The following SLC30A10 variants were observed in gnomAD, a reference collection of about 807,000 sequenced individuals.
The protein encoded by SLC30A10 is solute carrier family 30 member 10, also known as calcium/manganese antiporter SLC30A10.
A neutral mutation model predicts 21.7 loss-of-function variants in SLC30A10; 8 were observed. The observed-to-expected ratio is 0.37, with a 90% confidence interval of 0.22 to 0.67. The LOEUF (loss-of-function observed/expected upper bound fraction) is 0.67. Among genes scored for constraint, SLC30A10 ranks in the 30% least tolerant of loss-of-function variants. The pLI, the probability that SLC30A10 is intolerant of heterozygous loss-of-function variation, is 0.58. For synonymous variants in SLC30A10, 272 were observed against 279.4 expected (o/e 0.97, Z 0.26); for missense variants, 521 against 642.5 (o/e 0.81, Z 2.04).
At chr1:219,917,874 C>G (rs1039345134) in intron 3 of SLC30A10, among the ~76,000 whole-genome samples, 1 of 151,994 alleles carries the variant, frequency 6.6e-6, no homozygotes, top group Non-Finnish European at 1.5e-5. Context: ...CCACGCCTGG[C>G]TAATTTTTTT....
chr1:219,917,608 A>G (rs1659573619), intron 3 of SLC30A10, among the ~76,000 whole-genome samples: 1 of 152,208 alleles, frequency 6.6e-6, no homozygotes, highest in Non-Finnish European at 1.5e-5. Flanking sequence ...TTCTTGGCAG[A>G]AATGGCCTTA....
In SLC30A10 at chr1:219,949,799, G is replaced by A. The variant is rs114859324; in HGVS notation, n.80+8769C>T. Among the ~76,000 whole-genome samples, 1,115 of 151,734 alleles carry A rather than the reference G, an allele frequency of 7.3e-3. 8 individuals are homozygous for A. Among genetic ancestry groups the A allele is most frequent in the African/African-American group, 0.025 (1,041 of 41,416 alleles). ...AAATAAAAATAAAAAAAGAAAAATTGGTGTATTTCATAATCATCAGAGACA... is the reference window on the plus strand; with the variant it reads ...AAATAAAAATAAAAAAAGAAAAATTAGTGTATTTCATAATCATCAGAGACA... On this transcript the variant is annotated intron_variant and non_coding_transcript_variant, in intron 1 of 8. Transcript: ENST00000484239.
upstream of SLC30A10, among the ~76,000 whole-genome samples, chr1:219,930,658 G>A (rs1659957842): frequency 6.6e-6 from 1 of 152,128 alleles, no homozygotes; most frequent in African/African-American, 2.4e-5. Flanking sequence ...TTAAATATTT[G>A]CACCTCCAGG....
At chr1:219,934,803 T>A (rs1376987037) in intron 1 of SLC30A10, among the ~76,000 whole-genome samples, 1 of 152,204 alleles carries the variant, frequency 6.6e-6, no homozygotes, top group Non-Finnish European at 1.5e-5. Flanking sequence ...CTGTGGTATC[T>A]GGGGTCATCT....
In SLC30A10 at chr1:219,910,619, T is replaced by C. The variant is rs1659388885; in HGVS notation, c.*4830A>G. ...GGATTGCAACTCTAGCAAAATTGCC[T>C]GTGAGGACAGGAGGAGAATTTTAAG... On this transcript the variant is annotated 3_prime_UTR_variant, in exon 4 of 4. Coordinates refer to ENST00000366926, the MANE Select transcript of SLC30A10 (RefSeq NM_018713.3). 6.6e-6 allele frequency among the ~76,000 whole-genome samples: 1 copy of C among 152,222 alleles called. No individual in the cohort carries two copies. The highest frequency in any genetic ancestry group is 1.5e-5 in the Non-Finnish European group (1 of 68,038).
At chr1:219,923,835 G>A (rs1046103547) in intron 2 of SLC30A10, among the ~76,000 whole-genome samples, 7 of 152,198 alleles carry the variant, frequency 4.6e-5, no homozygotes, top group South Asian at 2.1e-4. Flanking sequence ...CGAGGCCAGC[G>A]GATTACCTGA....
chr1:219,926,984 G>T, intron 2 of SLC30A10, 44 bp downstream of exon 2: 2 of 1,443,128 alleles, frequency 1.4e-6, no homozygotes, highest in Non-Finnish European at 1.9e-6. Context: ...CAGTCCATGT[G>T]TGTCATAGAA....
At chr1:219,925,936 C>G (rs1278963872) in intron 2 of SLC30A10, among the ~76,000 whole-genome samples, 1 of 151,836 alleles carries the variant, frequency 6.6e-6, no homozygotes, top group Non-Finnish European at 1.5e-5. Flanking sequence ...GCTGGGATTA[C>G]AGGCGTGAGC....
chr1:219,923,219 T>TAA (rs1287098196), intron 2 of SLC30A10, among the ~76,000 whole-genome samples: 1 of 152,210 alleles, frequency 6.6e-6, no homozygotes, highest in Non-Finnish European at 1.5e-5. Context: ...CTGGCAGCAT[T>TAA]ATCTGAGACA....
chr1:219,927,666 AAAC>A (rs1553313718), intron 1 of SLC30A10, 132 bp downstream of exon 1: 3 of 251,888 alleles, frequency 1.2e-5, no homozygotes, highest in Middle Eastern at 1.0e-3. Flanking sequence ...AAAAAAAAAA[AAAC>A]AACAACAACA....
At chr1:219,958,787 C>T (rs371985808), upstream of SLC30A10, 4 of 152,796 alleles carry the variant, frequency 2.6e-5, no homozygotes, top group East Asian at 7.7e-4. Context: ...GCTCCCACAA[C>T]ATCTGCCCGA....
At chr1:219,955,074 G>A (rs1353397106) in intron 1 of SLC30A10, among the ~76,000 whole-genome samples, 2 of 152,106 alleles carry the variant, frequency 1.3e-5, no homozygotes, top group Non-Finnish European at 2.9e-5. Flanking sequence ...GCAAGGAATA[G>A]GAAAACGTAT....
At chr1:219,935,957 A>C (rs141965096) in intron 1 of SLC30A10, among the ~76,000 whole-genome samples, 449 of 152,346 alleles carry the variant, frequency 2.9e-3, no homozygotes, top group African/African-American at 0.01. Flanking sequence ...TTGTAAATCT[A>C]AACCCAAACC....
chr1:219,949,606 G>T (rs1660239097), intron 1 of SLC30A10, among the ~76,000 whole-genome samples: 1 of 151,982 alleles, frequency 6.6e-6, no homozygotes, highest in African/African-American at 2.4e-5. Context: ...GGGGACTGTT[G>T]GGGGGAGCGG....
At position 219,911,159 on chromosome 1, in the gene SLC30A10, T is replaced by TGTTTTTTTTTTG. The variant is rs1553311732; in HGVS notation, c.*4289_*4290insCAAAAAAAAAAC. 3.1e-5 allele frequency among the ~76,000 whole-genome samples: 4 copies of TGTTTTTTTTTTG among 128,364 alleles called. No homozygotes were observed. In the East Asian group the frequency reaches 8.4e-4, roughly 27 times the overall value. 84.2% of individuals were successfully genotyped at this position (128,364 alleles called of 152,430 possible). A position where few individuals can be genotyped will look rare whatever the true frequency, so the allele number is the denominator to read the frequency against. The stretch of plus-strand genomic sequence containing the variant: ...ATTTTTTCTACATCAGTTTTTTTTT[T>TGTTTTTTTTTTG]TTTTTTTTTTTTTTTGCAGTCTTTT... On this transcript the variant is annotated 3_prime_UTR_variant, in exon 4 of 4. Coordinates refer to ENST00000366926, the MANE Select transcript of SLC30A10 (RefSeq NM_018713.3).
In SLC30A10 at chr1:219,911,477, G is replaced by C. The variant is rs939641553; in HGVS notation, c.*3972C>G. ...GATAACTATCCAGTCTCATTGGATA[G>C]TGGGCTCATCAAATTGAGGATATTC... On this transcript the variant is annotated 3_prime_UTR_variant, in exon 4 of 4. Transcript: ENST00000366926. 2.6e-5 allele frequency among the ~76,000 whole-genome samples: 4 copies of C among 152,070 alleles called. No homozygotes were observed. Among genetic ancestry groups the C allele is most frequent in the African/African-American group, 9.7e-5 (4 of 41,428 alleles).
In SLC30A10 at chr1:219,911,702, GTT is replaced by G. The variant is rs1659419552; in HGVS notation, c.*3745_*3746del. Among the ~76,000 whole-genome samples the G allele has an allele frequency of 6.6e-6, 1 of 152,076 alleles. No homozygotes were observed. The highest frequency in any genetic ancestry group is 6.6e-5 in the Admixed American group (1 of 15,262). ...AGGCTGGTCTTGCCTTTAAAAATAT[GTT>G]TTTAAAGAGCAAATTCTGCAGAATT... On this transcript the variant is annotated 3_prime_UTR_variant, in exon 4 of 4. Coordinates refer to ENST00000366926, the MANE Select transcript of SLC30A10 (RefSeq NM_018713.3).
chr1:219,931,418 G>C (rs1383403748), upstream of SLC30A10, among the ~76,000 whole-genome samples: 1 of 95,864 alleles, frequency 1.0e-5, no homozygotes, highest in Non-Finnish European at 2.0e-5. Context: ...AAAAATGTTT[G>C]TACTAAAACT....
At chr1:219,953,931 C>T (rs1194233610) in intron 1 of SLC30A10, among the ~76,000 whole-genome samples, 1 of 151,800 alleles carries the variant, frequency 6.6e-6, no homozygotes, top group Non-Finnish European at 1.5e-5. Context: ...TGGTCTCGAT[C>T]TCCTGACCTC....
Sources: gnomAD v4.1 joint callset for allele counts (sites outside exome capture counted in the v4.1 genomes callset) on GRCh38, gnomAD v4.1.1 for gene constraint, MANE v1.5 for transcripts, NCBI Gene and HGNC (gene_info 2026-07-23, HGNC 2026-07-21) for gene names.